MBP: variants seen among roughly 807,000 people sequenced by gnomAD.
MBP encodes the protein myelin basic protein, also known as Golli-MBP.
MBP carries 16 observed loss-of-function variants against 35.8 expected under a neutral mutation model. The observed-to-expected ratio is 0.45, with a 90% CI of 0.30 to 0.68. The LOEUF (loss-of-function observed/expected upper bound fraction) is 0.68. Ranked by LOEUF, MBP falls within the 30% of genes least tolerant of loss-of-function variation. The probability of loss-of-function intolerance (pLI) is 0.08; values close to 1 mark genes in which losing one functional copy is unlikely to be tolerated. For missense variants in MBP, 380 were observed against 404.7 expected (o/e 0.94, Z 0.52); for synonymous variants, 143 against 159.6 (o/e 0.90, Z 0.78).
chr18:76,991,520 G>A (rs1472928233), intron 4 of MBP, among the ~76,000 whole-genome samples: 2 of 152,208 alleles, frequency 1.3e-5, no homozygotes, highest in African/African-American at 4.8e-5. Context: ...CAACAGCGGT[G>A]AATGCGCACC....
chr18:77,083,271 G>C (rs1241067951), intron 2 of MBP, among the ~76,000 whole-genome samples: 3 of 152,154 alleles, frequency 2.0e-5, no homozygotes, highest in Non-Finnish European at 4.4e-5. Context: ...CCCACCTAGA[G>C]TGGTTATTTG....
intron 3 of MBP, among the ~76,000 whole-genome samples, chr18:77,045,365 T>C (rs1206444162): frequency 4.5e-5 from 6 of 133,850 alleles, no homozygotes; most frequent in East Asian, 2.1e-4. Context: ...CATCTCCGAA[T>C]TGACCCGCTG....
At chr18:77,071,258 C>T (rs1395930981) in intron 2 of MBP, among the ~76,000 whole-genome samples, 1 of 152,170 alleles carries the variant, frequency 6.6e-6, no homozygotes, top group Admixed American at 6.5e-5. Flanking sequence ...TGACTCTCAC[C>T]TGCAAAACCA....
In MBP at chr18:76,988,962, G is replaced by A. The variant is rs1162060786; in HGVS notation, c.682-50C>T. 32 of 1,585,376 alleles carry A rather than the reference G, an allele frequency of 2.0e-5. No homozygotes were observed. Among genetic ancestry groups the A allele is most frequent in the Non-Finnish European group, 2.8e-5 (32 of 1,154,062 alleles). The stretch of plus-strand genomic sequence containing the variant: ...GCTGCACTGGGAGCCCTGTGCCGCC[G>A]TCCATTTCCTAACGGGCTCCTGCCT... On this transcript the variant is annotated intron_variant, in intron 5 of 8. Transcript: ENST00000355994. This position sits in a 1 kb window ranked among gnomAD's most constrained non-coding sequence, Gnocchi z 5.2.
chr18:77,002,677 C>T (rs1479642021), intron 4 of MBP, among the ~76,000 whole-genome samples: 6 of 152,202 alleles, frequency 3.9e-5, no homozygotes, highest in Non-Finnish European at 8.8e-5. Context: ...GGGAGCTGCT[C>T]GCAGAGGCTG....
chr18:77,011,287 A>T (rs1325560445), intron 4 of MBP, among the ~76,000 whole-genome samples: 1 of 152,212 alleles, frequency 6.6e-6, no homozygotes, highest in Admixed American at 6.5e-5. Context: ...TGCTGTGCTG[A>T]TGAGACTTGG....
At chr18:77,067,658 C>A (rs4890887) in intron 2 of MBP, among the ~76,000 whole-genome samples, 57,866 of 151,996 alleles carry the variant, frequency 0.38, 11,123 homozygotes, top group Middle Eastern at 0.41. Flanking sequence ...CCTGGTGCTA[C>A]CCACCAGCAG....
At chr18:76,993,637 C>A (rs1010059676) in intron 4 of MBP, among the ~76,000 whole-genome samples, 3 of 151,484 alleles carry the variant, frequency 2.0e-5, no homozygotes, top group African/African-American at 7.3e-5. Flanking sequence ...AGTTGTTTTT[C>A]CTATTTTGTG....
chr18:77,085,075 GT>G (rs33957999), intron 2 of MBP, among the ~76,000 whole-genome samples: 115,550 of 151,990 alleles, frequency 0.76, 44,412 homozygotes, highest in South Asian at 0.83. Context: ...TTCATGTAAG[GT>G]TAAGGGCCGT....
intron 1 of MBP, chr18:77,115,787 T>C (rs1409726779): frequency 2.0e-5 from 3 of 152,132 alleles, no homozygotes; most frequent in Non-Finnish European, 2.9e-5. Context: ...GCTGATCTCC[T>C]AAGGGGCCCC....
chr18:77,007,070 G>A lies in MBP; in HGVS notation c.576+9762C>T, dbSNP rs573688709. Among the ~76,000 whole-genome samples, 73 of 152,298 alleles carry A rather than the reference G, an allele frequency of 4.8e-4. 1 individual carries two copies. In the Middle Eastern group the frequency reaches 0.01, roughly 21 times the overall value. On this transcript the variant is annotated intron_variant, in intron 4 of 8. Coordinates refer to ENST00000355994, the MANE Select transcript of MBP (RefSeq NM_001025101.2). Reference sequence around the variant, plus strand: ...TGGTTCCTGGCACTGCTCAGCCTGAGCCTTCCACCCAGCTGCTTCTGTCTC... The same window carrying A: ...TGGTTCCTGGCACTGCTCAGCCTGAACCTTCCACCCAGCTGCTTCTGTCTC...
At chr18:77,120,275 T>A (rs1294425041) in intron 1 of MBP, among the ~76,000 whole-genome samples, 1 of 152,186 alleles carries the variant, frequency 6.6e-6, no homozygotes, top group Non-Finnish European at 1.5e-5. Context: ...TGGTCAGCCC[T>A]CGCGGCATCT....
intron 4 of MBP, chr18:77,015,365 T>C: frequency 4.1e-6 from 4 of 985,452 alleles, no homozygotes; most frequent in African/African-American, 1.7e-5. Context: ...CAACGCTTTA[T>C]TGGGCAACCC....
chr18:76,994,264 C>T (rs563327054), intron 4 of MBP, among the ~76,000 whole-genome samples: 67 of 152,350 alleles, frequency 4.4e-4, no homozygotes, highest in African/African-American at 1.0e-3. Flanking sequence ...CACACCGCCT[C>T]GGTGTTTGGA....
At chr18:77,026,514 T>C (rs763162898) in intron 3 of MBP, among the ~76,000 whole-genome samples, 1 of 152,192 alleles carries the variant, frequency 6.6e-6, no homozygotes, top group Non-Finnish European at 1.5e-5. Flanking sequence ...ATCCTTCTTT[T>C]CACTACAATT....
At chr18:77,045,040 G>T (rs968858411) in intron 3 of MBP, among the ~76,000 whole-genome samples, 9 of 151,978 alleles carry the variant, frequency 5.9e-5, no homozygotes, top group African/African-American at 9.7e-5. Context: ...TAAGCGGATA[G>T]ATACGATCTT....
At chr18:77,065,504 A>G (rs1226260469) in intron 3 of MBP, among the ~76,000 whole-genome samples, 1 of 152,238 alleles carries the variant, frequency 6.6e-6, no homozygotes, top group Non-Finnish European at 1.5e-5. Context: ...ATCCACAAAA[A>G]TATGTAAAGG....
At chr18:76,997,167 T>G (rs561972922) in intron 4 of MBP, among the ~76,000 whole-genome samples, 112 of 152,326 alleles carry the variant, frequency 7.4e-4, no homozygotes, top group African/African-American at 2.6e-3. Context: ...CCAGCTAGAT[T>G]TTAATCTTTC....
intron 2 of MBP, chr18:77,093,186 C>CGAGGCTGG (rs979976364): frequency 6.6e-6 from 1 of 152,142 alleles, no homozygotes; most frequent in Non-Finnish European, 1.5e-5. Context: ...GACCCGGGGT[C>CGAGGCTGG]GAGGCTGGGC....
Sources: allele counts gnomAD v4.1 joint callset (sites outside exome capture counted in the v4.1 genomes callset), GRCh38; gene constraint gnomAD v4.1.1; non-coding constraint Gnocchi (gnomAD v3.1); transcripts MANE v1.5; gene names NCBI Gene and HGNC (gene_info 2026-07-23, HGNC 2026-07-21).